The following SMU1 variants were observed in gnomAD, a reference collection of about 807,000 sequenced individuals.
SMU1 encodes WD40 repeat-containing protein SMU1.
In SMU1, 2 loss-of-function variants were observed where a neutral mutation model predicts 62.0. The observed-to-expected ratio is 0.03, with a 90% confidence interval of 0.01 to 0.10. The LOEUF is 0.10. Ranked by LOEUF, SMU1 falls within the 10% of genes least tolerant of loss-of-function variation. The pLI is 1.00. For synonymous variants in SMU1, 188 were observed against 212.4 expected (o/e 0.89, Z 1.00); for missense variants, 227 against 622.1 (o/e 0.36, Z 6.76).
intron 4 of SMU1, among the ~76,000 whole-genome samples, chr9:33,063,575 C>A (rs1216855440): frequency 6.6e-6 from 1 of 152,184 alleles, no homozygotes; most frequent in African/African-American, 2.4e-5. Context: ...CTGTTAGGAA[C>A]CCAGCTGTAC....
At chr9:33,069,694 C>T (rs1482848035) in intron 3 of SMU1, among the ~76,000 whole-genome samples, 2 of 152,038 alleles carry the variant, frequency 1.3e-5, no homozygotes, top group Non-Finnish European at 2.9e-5. Context: ...CTCAGCTACT[C>T]GGGAGGCTGA....
Position 33,042,309 on chromosome 9 carries a change from C to T in SMU1, c.*4984G>A, listed in dbSNP as rs1446377618. 3 of 152,744 alleles carry T rather than the reference C, an allele frequency of 2.0e-5. No homozygotes were observed. The highest frequency in any genetic ancestry group is 4.2e-4 in the South Asian group (2 of 4,818). 9.5% of individuals were successfully genotyped at this position (152,744 alleles called of 1,614,324 possible). A position where few individuals can be genotyped will look rare whatever the true frequency, so the allele number is the denominator to read the frequency against. On this transcript the variant is annotated 3_prime_UTR_variant, in exon 12 of 12. Transcript: ENST00000397149. Reference sequence around the variant, plus strand: ...AACCCTTCATTACTATGTAAGCAGCCATATTTAATTCTCAGAACAATGTAA... The same window carrying T: ...AACCCTTCATTACTATGTAAGCAGCTATATTTAATTCTCAGAACAATGTAA...
At chr9:33,066,140 A>G (rs12156451) in intron 4 of SMU1, among the ~76,000 whole-genome samples, 16,809 of 152,138 alleles carry the variant, frequency 0.11, 1,135 homozygotes, top group Non-Finnish European at 0.15. Context: ...CCAACCACCC[A>G]ACCTGACATA....
rs1022337644 is a variant in SMU1, at chr9:33,043,050, G to A, written c.*4243C>T. 7 of 152,194 alleles carry A rather than the reference G, an allele frequency of 4.6e-5. No homozygotes were observed. Among genetic ancestry groups the A allele is most frequent in the Admixed American group, 1.3e-4 (2 of 15,260 alleles). The allele number at this position is 152,194 out of a possible 1,614,324, so 9.4% of individuals were successfully genotyped here. The stretch of plus-strand genomic sequence containing the variant: ...GGGTGTCACCATGTTGGCCAGGGTG[G>A]TCTTGAACTCCTGACCTCGTGATCC... On this transcript the variant is annotated 3_prime_UTR_variant, in exon 12 of 12. Transcript: ENST00000397149.
intron 10 of SMU1, among the ~76,000 whole-genome samples, chr9:33,049,468 G>T (rs564912159): frequency 6.6e-6 from 1 of 152,266 alleles, no homozygotes; most frequent in East Asian, 1.9e-4. Flanking sequence ...AGACCTAAAT[G>T]TAAAACTCAA....
At chr9:33,053,646 G>T (rs958389678) in intron 9 of SMU1, among the ~76,000 whole-genome samples, 1 of 152,130 alleles carries the variant, frequency 6.6e-6, no homozygotes, top group Non-Finnish European at 1.5e-5. Flanking sequence ...CACTTCCTTT[G>T]TAAGGATTCA....
At chr9:33,068,785 G>A in intron 4 of SMU1, 39 bp downstream of exon 4, 2 of 1,607,542 alleles carry the variant, frequency 1.2e-6, no homozygotes, top group South Asian at 1.1e-5. Flanking sequence ...GATGACAGGT[G>A]TGAGCCACCA....
chr9:33,064,248 G>T (rs1839394615), intron 4 of SMU1, among the ~76,000 whole-genome samples: 1 of 152,006 alleles, frequency 6.6e-6, no homozygotes, highest in Non-Finnish European at 1.5e-5. Context: ...GTCTATTTTG[G>T]ATTATAGCTT....
At chr9:33,056,693 A>T in intron 8 of SMU1, 144 bp downstream of exon 8, 1 of 860,204 alleles carries the variant, frequency 1.2e-6, no homozygotes, top group South Asian at 1.8e-5. Context: ...CTTTGGGGAC[A>T]TAAGGTCTCA....
chr9:33,069,680 T>G (rs1839464847), intron 3 of SMU1, among the ~76,000 whole-genome samples: 1 of 152,128 alleles, frequency 6.6e-6, no homozygotes, highest in African/African-American at 2.4e-5. Context: ...TGGGTGCCTG[T>G]AATCTCAGCT....
At chr9:33,063,218 C>G (rs1222767559) in intron 4 of SMU1, among the ~76,000 whole-genome samples, 1 of 152,024 alleles carries the variant, frequency 6.6e-6, no homozygotes, top group African/African-American at 2.4e-5. Context: ...AAAAATTAGC[C>G]AGGCGTGGTG....
chr9:33,047,251 T>A lies in SMU1; in HGVS notation c.*42A>T, dbSNP rs751481218. ...AGCACATTACATGAATATGCTTCAT[T>A]TAAGTACATGCTTTCGAGCTGATTT... is the stretch of plus-strand genomic sequence containing the variant. On this transcript the variant is annotated 3_prime_UTR_variant, in exon 12 of 12. Coordinates refer to ENST00000397149, the MANE Select transcript of SMU1 (RefSeq NM_018225.3). 4.9e-6 allele frequency: 7 copies of A among 1,415,182 alleles called. No individual in the cohort carries two copies. The Admixed American group carries it at 1.3e-4, about 26-fold the overall frequency. 87.7% of individuals were successfully genotyped at this position (1,415,182 alleles called of 1,614,324 possible).
At chr9:33,057,034 C>T in intron 7 of SMU1, 70 bp from the exon 8 acceptor site, 1 of 1,523,926 alleles carries the variant, frequency 6.6e-7, no homozygotes, top group Non-Finnish European at 8.8e-7. Flanking sequence ...GCCCACAGAG[C>T]CAAGCAAGAT....
At chr9:33,054,347 T>TC (rs769583148) in intron 9 of SMU1, among the ~76,000 whole-genome samples, 84 of 152,234 alleles carry the variant, frequency 5.5e-4, no homozygotes, top group Admixed American at 1.6e-3. Flanking sequence ...TGAGACTCTA[T>TC]CCTGAGATTT....
chr9:33,060,880 G>C (rs768555130), intron 5 of SMU1, among the ~76,000 whole-genome samples: 2 of 152,176 alleles, frequency 1.3e-5, no homozygotes, highest in African/African-American at 2.4e-5. Flanking sequence ...AAGTAATCCT[G>C]TTAGCTCAGA....
rs1366675771 is a variant in SMU1 at position 33,044,895 on chromosome 9, C to A, written c.*2398G>T. On this transcript the variant is annotated 3_prime_UTR_variant, in exon 12 of 12. Transcript: ENST00000397149. ...CCGGTTAGGTTCCCTGTGCTTAGAC[C>A]GCCCCCTAGTCCCTCCAGGAAGCCT... 1.3e-5 allele frequency: 2 copies of A among 152,254 alleles called. No individual in the cohort carries two copies. Among genetic ancestry groups the A allele is most frequent in the African/African-American group, 4.8e-5 (2 of 41,416 alleles). The allele number at this position is 152,254 out of a possible 1,614,324, so 9.4% of individuals were successfully genotyped here. A position where few individuals can be genotyped will look rare whatever the true frequency, so the allele number is the denominator to read the frequency against.
chr9:33,074,449 C>CAA lies in SMU1; in HGVS notation c.27-645_27-644dup, dbSNP rs935925535. Among the ~76,000 whole-genome samples, 8 of 148,062 alleles carry CAA rather than the reference C, an allele frequency of 5.4e-5. No homozygotes were observed. In the East Asian group the frequency reaches 5.9e-4, roughly 11 times the overall value. On this transcript the variant is annotated intron_variant, in intron 1 of 11. Transcript: ENST00000397149. The stretch of plus-strand genomic sequence containing the variant: ...CCCCTTCTCTACACACACACACACA[C>CAA]AAAAAAAAAAATTAGCTAGGCATGA...
At chr9:33,059,612 T>A (rs1269491854) in intron 6 of SMU1, among the ~76,000 whole-genome samples, 1 of 148,280 alleles carries the variant, frequency 6.7e-6, no homozygotes, top group Non-Finnish European at 1.5e-5. Flanking sequence ...TTTTGTTTTG[T>A]TTTTTCCCCC....
In SMU1 at chr9:33,056,316, T is replaced by C. The variant is rs563496334; in HGVS notation, c.996-77A>G. 16 of 1,393,084 alleles carry C rather than the reference T, an allele frequency of 1.1e-5. No individual in the cohort carries two copies. The African/African-American group carries it at 2.2e-4, about 19-fold the overall frequency. The allele number at this position is 1,393,084 out of a possible 1,614,324, so 86.3% of individuals were successfully genotyped here. On this transcript the variant is annotated intron_variant, in intron 8 of 11. Coordinates refer to ENST00000397149, the MANE Select transcript of SMU1 (RefSeq NM_018225.3). ...TTGTGACCAACGATTGAATGCATTT[T>C]AGATAAATTACAGAAGCTCATGTTA...
Sources: allele counts gnomAD v4.1 joint callset (sites outside exome capture counted in the v4.1 genomes callset), GRCh38; gene constraint gnomAD v4.1.1; transcripts MANE v1.5; gene names NCBI Gene and HGNC (gene_info 2026-07-23, HGNC 2026-07-21).